Variants in DCBLD1 observed in about 807,000 individuals in gnomAD.
The protein encoded by DCBLD1 is discoidin, CUB and LCCL domain-containing protein 1.
In DCBLD1, 57 loss-of-function variants were observed where a neutral mutation model predicts 71.5. The observed-to-expected ratio is 0.80, with a 90% CI of 0.64 to 0.99. DCBLD1 has a LOEUF of 0.99. DCBLD1 is among the 50% of genes least tolerant of loss of function. The pLI is 0.00. For synonymous variants in DCBLD1, 380 were observed against 363.8 expected (o/e 1.04, Z -0.51); for missense variants, 891 against 923.5 (o/e 0.96, Z 0.46).
chr6:117,498,274 C>T (rs1390198371), intron 1 of DCBLD1, among the ~76,000 whole-genome samples: 4 of 152,164 alleles, frequency 2.6e-5, no homozygotes, highest in Non-Finnish European at 1.5e-5. Flanking sequence ...TGGCTCCAAA[C>T]AGACACCAGG....
intron 13 of DCBLD1, 119 bp downstream of exon 13, chr6:117,544,696 G>A: frequency 3.9e-6 from 4 of 1,037,538 alleles, no homozygotes; most frequent in Non-Finnish European, 5.6e-6. Context: ...CATAAGCCCT[G>A]TAGCCTTTAA....
chr6:117,488,136 A>G (rs978039272), intron 1 of DCBLD1, among the ~76,000 whole-genome samples: 2 of 152,230 alleles, frequency 1.3e-5, no homozygotes, highest in Non-Finnish European at 2.9e-5. Flanking sequence ...CCATGAAAGC[A>G]GAGATGAATC....
chr6:117,545,093 A>G (rs1420890109), intron 13 of DCBLD1, among the ~76,000 whole-genome samples: 1 of 151,434 alleles, frequency 6.6e-6, no homozygotes, highest in African/African-American at 2.4e-5. Context: ...GTGGGGCAGG[A>G]CCCCTGAGAA....
At chr6:117,489,134 A>T (rs1777193279) in intron 1 of DCBLD1, among the ~76,000 whole-genome samples, 1 of 152,222 alleles carries the variant, frequency 6.6e-6, no homozygotes, top group South Asian at 2.1e-4. Flanking sequence ...AAGTTTCTGC[A>T]GGCTGTACAG....
At chr6:117,494,043 G>A (rs1351846653) in intron 1 of DCBLD1, among the ~76,000 whole-genome samples, 1 of 152,092 alleles carries the variant, frequency 6.6e-6, no homozygotes, top group Non-Finnish European at 1.5e-5. Context: ...TTGTCATGAA[G>A]GCTAAATAAG....
intron 1 of DCBLD1, among the ~76,000 whole-genome samples, chr6:117,484,776 CTT>C (rs1777027008): frequency 6.6e-6 from 1 of 152,188 alleles, no homozygotes; most frequent in African/African-American, 2.4e-5. Flanking sequence ...AATGGTATAA[CTT>C]AACCTGAATG....
intron 2 of DCBLD1, among the ~76,000 whole-genome samples, chr6:117,510,876 A>G (rs78038033): frequency 0.019 from 2,951 of 152,306 alleles, 102 homozygotes; most frequent in African/African-American, 0.066. Flanking sequence ...GTGAGTGAGC[A>G]TTCAACTATG....
intron 3 of DCBLD1, among the ~76,000 whole-genome samples, chr6:117,520,567 C>T (rs1237551361): frequency 1.3e-5 from 2 of 152,176 alleles, no homozygotes; most frequent in Non-Finnish European, 1.5e-5. Context: ...GAGGCATGCA[C>T]AGTGTGTGTA....
At chr6:117,533,408 A>G (rs891913254) in intron 6 of DCBLD1, among the ~76,000 whole-genome samples, 11 of 152,104 alleles carry the variant, frequency 7.2e-5, no homozygotes, top group Non-Finnish European at 1.5e-4. Flanking sequence ...CCATTTTCAC[A>G]ATGGATGATG....
intron 6 of DCBLD1, among the ~76,000 whole-genome samples, chr6:117,535,978 T>A (rs1220598258): frequency 6.6e-6 from 1 of 152,154 alleles, no homozygotes. Flanking sequence ...GTGCAGAGAT[T>A]ATAGAAGAAC....
At chr6:117,558,995 G>A (rs1051425999) in intron 14 of DCBLD1, among the ~76,000 whole-genome samples, 3 of 152,182 alleles carry the variant, frequency 2.0e-5, no homozygotes, top group African/African-American at 7.2e-5. Flanking sequence ...ACAGGTTCAG[G>A]CCTGTTCTGT....
intron 6 of DCBLD1, among the ~76,000 whole-genome samples, chr6:117,535,312 C>A (rs962179453): frequency 1.3e-5 from 2 of 152,192 alleles, no homozygotes; most frequent in African/African-American, 4.8e-5. Context: ...TGCTAACCAT[C>A]AGAAGTGAAA....
At chr6:117,509,377 A>T (rs1482270136) in intron 2 of DCBLD1, among the ~76,000 whole-genome samples, 1 of 152,186 alleles carries the variant, frequency 6.6e-6, no homozygotes, top group Non-Finnish European at 1.5e-5. Flanking sequence ...GGCTACAGTG[A>T]GCCATGTCGT....
intron 14 of DCBLD1, among the ~76,000 whole-genome samples, chr6:117,557,723 C>A (rs1779513490): frequency 6.6e-6 from 1 of 152,096 alleles, no homozygotes; most frequent in South Asian, 2.1e-4. Context: ...AAGATTGCAC[C>A]ATTGCACTCC....
At chr6:117,508,548 A>G (rs1362390342) in intron 2 of DCBLD1, among the ~76,000 whole-genome samples, 12 of 152,232 alleles carry the variant, frequency 7.9e-5, no homozygotes, top group Non-Finnish European at 1.3e-4. Flanking sequence ...TTAACTTTAC[A>G]GCTCTTTAGT....
chr6:117,532,163 C>A, intron 5 of DCBLD1, 97 bp from the exon 6 acceptor site: 1 of 1,492,586 alleles, frequency 6.7e-7, no homozygotes, highest in Non-Finnish European at 8.9e-7. Context: ...TCATTGGGGC[C>A]ACTACTATAA....
Position 117,549,566 on chromosome 6 carries a change from G to A in DCBLD1, c.*1127G>A, listed in dbSNP as rs116121894. The A allele has an allele frequency of 7.1e-4, 698 of 985,258 alleles. 5 individuals are homozygous for A. The African/African-American group carries it at 0.011, about 16-fold the overall frequency. 61.0% of individuals were successfully genotyped at this position (985,258 alleles called of 1,614,324 possible). ...TCTTTTGCCAAAGAGGGAAGTGTGT[G>A]TGTTTTTTTAATAGAAAATATGGAC... On this transcript the variant is annotated 3_prime_UTR_variant, in exon 15 of 15. Coordinates refer to ENST00000338728, the MANE Select transcript of DCBLD1 (RefSeq NM_001366458.2).
chr6:117,554,750 G>A (rs1011943364), downstream of DCBLD1, among the ~76,000 whole-genome samples: 1 of 152,054 alleles, frequency 6.6e-6, no homozygotes, highest in African/African-American at 2.4e-5. Context: ...AAAATTGGCC[G>A]GGAGTGGTGG....
chr6:117,518,137 A>G (rs781515700), intron 2 of DCBLD1, among the ~76,000 whole-genome samples: 3 of 152,128 alleles, frequency 2.0e-5, no homozygotes, highest in Non-Finnish European at 4.4e-5. Context: ...ATGCTTTCCT[A>G]TTTAGAAATG....
Sources: gnomAD v4.1 joint callset for allele counts (sites outside exome capture counted in the v4.1 genomes callset) on GRCh38, gnomAD v4.1.1 for gene constraint, MANE v1.5 for transcripts, NCBI Gene and HGNC (gene_info 2026-07-23, HGNC 2026-07-21) for gene names.